Variants in HLCS observed in about 807,000 individuals in gnomAD.
HLCS encodes the protein holocarboxylase synthetase.
HLCS carries 53 observed loss-of-function variants against 75.0 expected under a neutral mutation model. The ratio of observed to expected loss-of-function variants is 0.71; its 90% CI spans 0.57 to 0.89. The LOEUF is 0.89. Ranked by LOEUF, HLCS falls within the 40% of genes least tolerant of loss-of-function variation. The pLI is 0.00. For missense variants in HLCS, 966 were observed against 1,074.0 expected (o/e 0.90, Z 1.41); for synonymous variants, 431 against 428.6 (o/e 1.01, Z -0.07).
intron 1 of HLCS, among the ~76,000 whole-genome samples, chr21:36,984,873 GTT>G (rs11429336): frequency 1.4e-5 from 2 of 143,392 alleles, no homozygotes; most frequent in Non-Finnish European, 3.1e-5. Flanking sequence ...TCTTTTTCTT[GTT>G]TTTTTTTTTT....
intron 6 of HLCS, among the ~76,000 whole-genome samples, chr21:36,802,974 G>A (rs930430963): frequency 1.3e-5 from 2 of 152,078 alleles, no homozygotes; most frequent in African/African-American, 4.8e-5. Context: ...AGATATGGGT[G>A]AACATGATTA....
intron 6 of HLCS, among the ~76,000 whole-genome samples, chr21:36,785,893 C>T (rs2060671781): frequency 6.6e-6 from 1 of 152,142 alleles, no homozygotes; most frequent in South Asian, 2.1e-4. Flanking sequence ...ATTTCAGGCC[C>T]AGGTGGCAGA....
intron 6 of HLCS, among the ~76,000 whole-genome samples, chr21:36,837,966 C>A (rs1403004991): frequency 6.6e-6 from 1 of 152,186 alleles, no homozygotes; most frequent in East Asian, 1.9e-4. Flanking sequence ...CATTTATACA[C>A]TTGATAAGTT....
chr21:36,857,784 T>G (rs28717023), intron 6 of HLCS, among the ~76,000 whole-genome samples: 7 of 152,142 alleles, frequency 4.6e-5, no homozygotes, highest in Non-Finnish European at 8.8e-5. Flanking sequence ...CTTGGTTTTT[T>G]GTTTTTTGTT....
At chr21:36,907,860 A>T (rs1038594214) in intron 5 of HLCS, among the ~76,000 whole-genome samples, 1 of 152,204 alleles carries the variant, frequency 6.6e-6, no homozygotes, top group African/African-American at 2.4e-5. Context: ...CCAAAAGAAA[A>T]TATCGGATCG....
intron 6 of HLCS, among the ~76,000 whole-genome samples, chr21:36,880,780 G>A (rs13048483): frequency 0.18 from 27,855 of 151,854 alleles, 2,739 homozygotes; most frequent in Middle Eastern, 0.3. Context: ...TGTCAGCCAC[G>A]ACCTCATCCA....
In HLCS at chr21:36,754,224, C is replaced by A. The variant is rs372906843; in HGVS notation, c.*22G>T. 16 of 1,612,316 alleles carry A rather than the reference C, an allele frequency of 9.9e-6. No homozygotes were observed. Among genetic ancestry groups the A allele is most frequent in the Middle Eastern group, 1.7e-4 (1 of 6,004 alleles). On this transcript the variant is annotated 3_prime_UTR_variant, in exon 11 of 11. Coordinates refer to ENST00000674895, the MANE Select transcript of HLCS (RefSeq NM_001352514.2). ...AGATGCATGGGCACGGACAGGCAGC[C>A]GCGTCTCGGGGACGCCCGGCATTAC...
chr21:36,974,497 A>G (rs1182891101), intron 1 of HLCS: 1 of 152,186 alleles, frequency 6.6e-6, no homozygotes, highest in East Asian at 1.9e-4. Flanking sequence ...TGTCCCCCCA[A>G]ATTCTAATGT....
At chr21:36,894,887 G>A (rs1601658336) in intron 6 of HLCS, among the ~76,000 whole-genome samples, 1 of 151,096 alleles carries the variant, frequency 6.6e-6, no homozygotes, top group East Asian at 1.9e-4. Flanking sequence ...TGAACTTCCT[G>A]ATATCCAAGA....
At chr21:36,911,793 G>A (rs910837041) in intron 5 of HLCS, among the ~76,000 whole-genome samples, 8 of 149,100 alleles carry the variant, frequency 5.4e-5, no homozygotes, top group Admixed American at 2.0e-4. Flanking sequence ...AGAGGGCCGG[G>A]CGCGGTGGCT....
At chr21:36,792,457 G>T (rs566412449) in intron 6 of HLCS, among the ~76,000 whole-genome samples, 9 of 150,316 alleles carry the variant, frequency 6.0e-5, no homozygotes, top group Non-Finnish European at 8.9e-5. Flanking sequence ...AAAGGAGAAG[G>T]GGGGGAGGGA....
In HLCS at chr21:36,888,483, TATATATATATA is replaced by T. The variant is rs1569150031; in HGVS notation, c.1892+8366_1892+8376del. Reference sequence around the variant, plus strand: ...ATATATATATATATATATATATATATATATATATATATATTTATTTATTTATTTTATGGGAT... The same window carrying T: ...ATATATATATATATATATATATATATTATTTATTTATTTATTTTATGGGAT... On this transcript the variant is annotated intron_variant, in intron 6 of 10. Coordinates refer to ENST00000674895, the MANE Select transcript of HLCS (RefSeq NM_001352514.2). 2.4e-3 allele frequency among the ~76,000 whole-genome samples: 296 copies of T among 125,890 alleles called. 12 individuals are homozygous for T. Among genetic ancestry groups the T allele is most frequent in the African/African-American group, 7.9e-3 (254 of 32,292 alleles). The allele number at this position is 125,890 out of a possible 152,430, so 82.6% of individuals were successfully genotyped here. A position where few individuals can be genotyped will look rare whatever the true frequency, so the allele number is the denominator to read the frequency against.
chr21:36,841,714 T>C (rs2062622999), intron 6 of HLCS, among the ~76,000 whole-genome samples: 1 of 152,236 alleles, frequency 6.6e-6, no homozygotes, highest in African/African-American at 2.4e-5. Context: ...GTGAAAGCAG[T>C]AGGCAAACGC....
intron 6 of HLCS, among the ~76,000 whole-genome samples, chr21:36,874,689 ACAC>A (rs1347782734): frequency 1.3e-5 from 2 of 152,234 alleles, no homozygotes; most frequent in Non-Finnish European, 2.9e-5. Flanking sequence ...CACTGTGGGG[ACAC>A]CAGCTGCAAT....
chr21:36,943,913 G>A (rs1306481321), intron 2 of HLCS: 1 of 151,926 alleles, frequency 6.6e-6, no homozygotes. Context: ...GCCCATCCTA[G>A]AGTTTACACA....
upstream of HLCS, among the ~76,000 whole-genome samples, chr21:36,971,420 G>A (rs1044520404): frequency 2.0e-5 from 3 of 152,256 alleles, no homozygotes; most frequent in African/African-American, 4.8e-5. Flanking sequence ...GGAAGCAGGA[G>A]AAGCTTCAAA....
At chr21:36,983,883 T>C (rs896222773) in intron 1 of HLCS, among the ~76,000 whole-genome samples, 1 of 151,902 alleles carries the variant, frequency 6.6e-6, no homozygotes, top group Non-Finnish European at 1.5e-5. Context: ...TATCACAGGC[T>C]GGAGTGCAGT....
chr21:36,814,647 A>G (rs2061607470), intron 6 of HLCS, among the ~76,000 whole-genome samples: 1 of 152,230 alleles, frequency 6.6e-6, no homozygotes, highest in Non-Finnish European at 1.5e-5. Flanking sequence ...GGGAAAATGT[A>G]AAGAGAAAAT....
chr21:36,980,484 G>C (rs1483586497), intron 1 of HLCS: 4 of 152,154 alleles, frequency 2.6e-5, no homozygotes, highest in Non-Finnish European at 4.4e-5. Context: ...ACTCCCCCTG[G>C]GGAATAAAAA....
Sources: allele counts gnomAD v4.1 joint callset (sites outside exome capture counted in the v4.1 genomes callset), GRCh38; gene constraint gnomAD v4.1.1; transcripts MANE v1.5; gene names NCBI Gene and HGNC (gene_info 2026-07-23, HGNC 2026-07-21).